Variants in ZFYVE28 observed in about 807,000 individuals in gnomAD.
ZFYVE28 encodes the protein zinc finger FYVE-type containing 28, also known as lateral signaling target protein 2 homolog.
ZFYVE28 carries 40 observed loss-of-function variants against 82.1 expected under a neutral mutation model. The ratio of observed to expected loss-of-function variants is 0.49; its 90% CI spans 0.38 to 0.63. The LOEUF (loss-of-function observed/expected upper bound fraction) is 0.63, where lower values mean the gene tolerates loss of function less well. Ranked by LOEUF, ZFYVE28 falls within the 30% of genes least tolerant of loss-of-function variation. ZFYVE28 has a pLI of 0.00. For missense variants in ZFYVE28, 1,321 were observed against 1,242.1 expected, an observed-to-expected ratio of 1.06 and a Z score of -0.96; for synonymous variants, 612 against 546.1, an observed-to-expected ratio of 1.12 and a Z score of -1.68.
chr4:2,331,918 T>C (rs1255940924), intron 6 of ZFYVE28, among the ~76,000 whole-genome samples: 1 of 152,208 alleles, frequency 6.6e-6, no homozygotes, highest in Non-Finnish European at 1.5e-5. Flanking sequence ...GTTTTCTGCT[T>C]TCTTGTGTCA....
chr4:2,305,679 A>C (rs1578003393), intron 7 of ZFYVE28, 143 bp from the exon 8 acceptor site: 1 of 1,019,120 alleles, frequency 9.8e-7, no homozygotes, highest in African/African-American at 1.6e-5. Context: ...TTCTCAAGGC[A>C]CCAGCACGTC....
intron 1 of ZFYVE28, among the ~76,000 whole-genome samples, chr4:2,378,989 G>A (rs1728450741): frequency 6.6e-6 from 1 of 152,204 alleles, no homozygotes; most frequent in Non-Finnish European, 1.5e-5. Context: ...GGGTACATCT[G>A]CACCTGGATG....
chr4:2,394,517 C>T lies in ZFYVE28; in HGVS notation c.39+23768G>A, dbSNP rs1730214047. Among the ~76,000 whole-genome samples the T allele has an allele frequency of 1.3e-5, 2 of 152,222 alleles. No homozygotes were observed. Among genetic ancestry groups the T allele is most frequent in the African/African-American group, 2.4e-5 (1 of 41,452 alleles). On this transcript the variant is annotated intron_variant, in intron 1 of 12. Coordinates refer to ENST00000290974, the MANE Select transcript of ZFYVE28 (RefSeq NM_020972.3). This position sits in a 1 kb window ranked among gnomAD's most constrained non-coding sequence, Gnocchi z 4.0. ...CCCCTAGGCTGGCTGCGTTTCTCTT[C>T]ACGGGGTGGTTGACCGCATGAGAAG...
chr4:2,326,825 C>T (rs528729278), intron 6 of ZFYVE28, among the ~76,000 whole-genome samples: 4 of 152,052 alleles, frequency 2.6e-5, no homozygotes, highest in East Asian at 1.9e-4. Flanking sequence ...TTTCTTTTTT[C>T]GGATAGTGTA....
At chr4:2,383,171 A>AT (rs1378473435) in intron 1 of ZFYVE28, among the ~76,000 whole-genome samples, 2 of 152,170 alleles carry the variant, frequency 1.3e-5, no homozygotes, top group African/African-American at 2.4e-5. Flanking sequence ...CAGGGACGGA[A>AT]TTATAAGGTT....
chr4:2,302,884 C>A (rs963608069), intron 8 of ZFYVE28, among the ~76,000 whole-genome samples: 1 of 152,248 alleles, frequency 6.6e-6, no homozygotes, highest in Non-Finnish European at 1.5e-5. Context: ...ACAGATGTTT[C>A]TCGACTTAAC....
At chr4:2,378,747 C>T (rs1728423935) in intron 1 of ZFYVE28, among the ~76,000 whole-genome samples, 1 of 152,218 alleles carries the variant, frequency 6.6e-6, no homozygotes, top group Non-Finnish European at 1.5e-5. Context: ...ACCCACCCAA[C>T]CACGAATTTT....
chr4:2,271,843 T>C, intron 10 of ZFYVE28, 64 bp from the exon 11 acceptor site: 1 of 1,481,034 alleles, frequency 6.8e-7, no homozygotes, highest in Admixed American at 1.7e-5. Flanking sequence ...CAGGGTCACC[T>C]GCACTTGCTG....
chr4:2,385,482 G>T (rs886171783), intron 1 of ZFYVE28, among the ~76,000 whole-genome samples: 2 of 152,210 alleles, frequency 1.3e-5, no homozygotes, highest in African/African-American at 4.8e-5. Flanking sequence ...TTGAGACTAG[G>T]TCTCTGGACT....
chr4:2,344,210 A>T (rs897031839), intron 2 of ZFYVE28, among the ~76,000 whole-genome samples: 2 of 152,214 alleles, frequency 1.3e-5, no homozygotes, highest in African/African-American at 2.4e-5. Context: ...GGACAGAGAG[A>T]ACTCTGGAGA....
Position 2,270,098 on chromosome 4 carries a change from G to A in ZFYVE28, c.*627C>T, listed in dbSNP as rs60130759. Reference sequence around the variant, plus strand: ...GGTGGGCAGACACCAGGAGCACCCTGCCTGCCTAGAGGACCACTGGGTCAG... The same window carrying A: ...GGTGGGCAGACACCAGGAGCACCCTACCTGCCTAGAGGACCACTGGGTCAG... On this transcript the variant is annotated 3_prime_UTR_variant, in exon 13 of 13. Coordinates refer to ENST00000290974, the MANE Select transcript of ZFYVE28 (RefSeq NM_020972.3). 0.11 allele frequency: 17,151 copies of A among 153,204 alleles called. 1,419 individuals are homozygous for A. The highest frequency in any genetic ancestry group is 0.21 in the African/African-American group (8,856 of 41,488). 9.5% of individuals were successfully genotyped at this position (153,204 alleles called of 1,614,324 possible). A position where few individuals can be genotyped will look rare whatever the true frequency, so the allele number is the denominator to read the frequency against.
At chr4:2,357,698 G>A (rs1413546108) in intron 1 of ZFYVE28, among the ~76,000 whole-genome samples, 1 of 152,180 alleles carries the variant, frequency 6.6e-6, no homozygotes, top group East Asian at 1.9e-4. Flanking sequence ...CCTGACTGCA[G>A]CTCGCTGACG....
At chr4:2,307,281 A>G (rs906317730) in intron 7 of ZFYVE28, among the ~76,000 whole-genome samples, 1 of 152,044 alleles carries the variant, frequency 6.6e-6, no homozygotes, top group African/African-American at 2.4e-5. Flanking sequence ...AGTTCTTTAT[A>G]TATTTTGGAT....
chr4:2,351,270 C>G, intron 2 of ZFYVE28, among the ~76,000 whole-genome samples: 1 of 152,278 alleles, frequency 6.6e-6, no homozygotes, highest in Non-Finnish European at 1.5e-5. Flanking sequence ...CCCTACTCAT[C>G]TGGTCATGGA....
chr4:2,298,281 G>C (rs534946385), intron 8 of ZFYVE28, among the ~76,000 whole-genome samples: 1 of 152,116 alleles, frequency 6.6e-6, no homozygotes, highest in East Asian at 1.9e-4. Context: ...TGGGAGGAAC[G>C]GCAGAGGATG....
At position 2,304,486 on chromosome 4, in the gene ZFYVE28, TTC is replaced by T. The variant is rs1303720333; in HGVS notation, c.1852_1853del (p.Glu618ArgfsTer121). The T allele has an allele frequency of 6.2e-7, 1 of 1,613,014 alleles. No homozygotes were observed. The highest frequency in any genetic ancestry group is 8.5e-7 in the Non-Finnish European group (1 of 1,179,784). ...TGGGCTCCCGCCCGTTGGAGGCATC[TTC>T]TGAGGGTGGGGGCGCCTCCTCCTGT... is the stretch of plus-strand genomic sequence containing the variant. ...ERQEEAPPPS[E>X]DASNGREPKA... On this transcript the variant is annotated frameshift_variant, in exon 8 of 13. Transcript: ENST00000290974. LOFTEE classifies it high-confidence loss of function.
rs758774285 is a variant in ZFYVE28, at chr4:2,335,664, C to T, written c.701+41G>A. ...CTGGCACCATCAGCCCTGCCCGTCCCGCAGGTTTCTGCAGAGGTCCTGGGC... is the reference window on the plus strand; with the variant it reads ...CTGGCACCATCAGCCCTGCCCGTCCTGCAGGTTTCTGCAGAGGTCCTGGGC... On this transcript the variant is annotated intron_variant, in intron 6 of 12. Transcript: ENST00000290974. The surrounding 1 kb of genome is among the most constrained non-coding windows in gnomAD (Gnocchi z 5.8). 16 of 1,541,814 alleles carry T rather than the reference C, an allele frequency of 1.0e-5. No individual in the cohort carries two copies. The highest frequency in any genetic ancestry group is 2.7e-5 in the African/African-American group (2 of 73,082).
intron 1 of ZFYVE28, among the ~76,000 whole-genome samples, chr4:2,378,626 G>A (rs979735597): frequency 1.4e-4 from 22 of 152,104 alleles, no homozygotes; most frequent in African/African-American, 4.8e-4. Context: ...GAAGCTGCCC[G>A]ACTCCCGGCT....
intron 1 of ZFYVE28, among the ~76,000 whole-genome samples, chr4:2,392,931 G>A (rs1352027428): frequency 6.6e-6 from 1 of 152,206 alleles, no homozygotes; most frequent in African/African-American, 2.4e-5. Context: ...TGTCCATGTA[G>A]AATCGACCCT....
Sources: allele counts gnomAD v4.1 joint callset (sites outside exome capture counted in the v4.1 genomes callset), GRCh38; gene constraint gnomAD v4.1.1; non-coding constraint Gnocchi (gnomAD v3.1); transcripts MANE v1.5; gene names NCBI Gene and HGNC (gene_info 2026-07-23, HGNC 2026-07-21).